The following TNRC6C variants were observed in gnomAD, a reference collection of about 807,000 sequenced individuals.
TNRC6C encodes the protein trinucleotide repeat-containing gene 6C protein.
Under a neutral mutation model 153.7 loss-of-function variants are expected in TNRC6C, and 20 were observed. That is an observed-to-expected ratio of 0.13 (90% CI 0.09 to 0.19). TNRC6C has a LOEUF of 0.19. Among genes scored for constraint, TNRC6C ranks in the 10% least tolerant of loss-of-function variants. The probability of loss-of-function intolerance (pLI) is 1.00; values close to 1 mark genes in which losing one functional copy is unlikely to be tolerated. For missense variants in TNRC6C, 1,987 were observed against 2,172.0 expected (o/e 0.91, Z 1.69); for synonymous variants, 811 against 841.4 (o/e 0.96, Z 0.63).
At chr17:77,991,370 C>T (rs1455787891) in intron 1 of TNRC6C, among the ~76,000 whole-genome samples, 2 of 152,148 alleles carry the variant, frequency 1.3e-5, no homozygotes, top group African/African-American at 2.4e-5. Context: ...CAGAGATGGT[C>T]AACTAACCCC....
chr17:78,107,492 A>G (rs1055942952), exon 20 of TNRC6C: 1 of 152,222 alleles, frequency 6.6e-6, no homozygotes, highest in African/African-American at 2.4e-5. Flanking sequence ...TTCAAAAGAC[A>G]CTATGGATGT....
At chr17:78,091,315 A>G in intron 13 of TNRC6C, 125 bp from the exon 16 acceptor site, 2 of 1,134,364 alleles carry the variant, frequency 1.8e-6, no homozygotes, top group Non-Finnish European at 2.3e-6. Context: ...ATCAAGAGCA[A>G]GACTCCGTCT....
intron 3 of TNRC6C, among the ~76,000 whole-genome samples, chr17:78,053,093 C>T (rs528381000): frequency 1.8e-4 from 27 of 151,588 alleles, no homozygotes; most frequent in Admixed American, 1.8e-3. Flanking sequence ...TGTCACGTTG[C>T]CCCCCGACCC....
chr17:78,078,304 G>A (rs1013849397), intron 9 of TNRC6C, among the ~76,000 whole-genome samples: 29 of 152,264 alleles, frequency 1.9e-4, no homozygotes, highest in African/African-American at 3.4e-4. Context: ...CCTCTCAGGC[G>A]GCTGTTCCCA....
At chr17:78,107,938 C>T (rs1160092067) in exon 20 of TNRC6C, 1 of 152,196 alleles carries the variant, frequency 6.6e-6, no homozygotes, top group Non-Finnish European at 1.5e-5. Flanking sequence ...CTAACTTTCA[C>T]CAAGCACTTT....
chr17:77,980,791 C>G (rs1024714201), intron 1 of TNRC6C, among the ~76,000 whole-genome samples: 1 of 152,104 alleles, frequency 6.6e-6, no homozygotes, highest in Non-Finnish European at 1.5e-5. Flanking sequence ...GAAATAATTA[C>G]GTTTACCAGG....
rs201919223 is a variant in TNRC6C, at chr17:78,049,521, C to T, written c.459C>T (p.Asn153=). 52 of 1,614,032 alleles carry T rather than the reference C, an allele frequency of 3.2e-5. No individual in the cohort carries two copies. The highest frequency in any genetic ancestry group is 4.2e-5 in the Non-Finnish European group (49 of 1,179,886). ...CAGGCACTTTAGGTGCTTGGGGAAA[C>T]TTGCTGCCACAAGAGAGCACAGAAC... is the stretch of plus-strand genomic sequence containing the variant. Residue 153 remains asparagine (N), a synonymous_variant, in exon 3 of 20, where the codon AAC becomes AAT. Coordinates refer to ENST00000301624, the Ensembl canonical transcript of TNRC6C. This position sits in a 1 kb window ranked among gnomAD's most constrained non-coding sequence, Gnocchi z 4.1.
At chr17:78,007,721 CTTAA>C (rs2071547329) in intron 1 of TNRC6C, among the ~76,000 whole-genome samples, 1 of 152,182 alleles carries the variant, frequency 6.6e-6, no homozygotes, top group African/African-American at 2.4e-5. Flanking sequence ...GTTGGATACT[CTTAA>C]GAGAGAAGCT....
intron 17 of TNRC6C, 88 bp downstream of exon 20, chr17:78,098,625 A>C (rs1598793979): frequency 1.6e-5 from 23 of 1,415,008 alleles, no homozygotes; most frequent in Non-Finnish European, 9.4e-7. Flanking sequence ...CTTTGTAAGG[A>C]CCCCTGCCTG....
intron 2 of TNRC6C, among the ~76,000 whole-genome samples, chr17:78,044,483 G>C (rs1567932287): frequency 1.3e-5 from 2 of 152,192 alleles, no homozygotes; most frequent in South Asian, 2.1e-4. Context: ...CCTAGAGGGA[G>C]AACCAGCCAG....
At chr17:78,086,328 T>TAACAA (rs2073283820) in intron 11 of TNRC6C, among the ~76,000 whole-genome samples, 175 bp from the exon 14 acceptor site, 1 of 53,324 alleles carries the variant, frequency 1.9e-5, no homozygotes, top group African/African-American at 5.9e-5. Context: ...AGACTCCATC[T>TAACAA]AAAAAAAAAA....
chr17:78,107,344 G>A (rs2073718782), exon 20 of TNRC6C: 1 of 152,098 alleles, frequency 6.6e-6, no homozygotes, highest in Non-Finnish European at 1.5e-5. Flanking sequence ...CAAGTTCGTG[G>A]CTCTTAATGT....
intron 3 of TNRC6C, among the ~76,000 whole-genome samples, chr17:78,052,914 G>A (rs72894061): frequency 0.086 from 13,099 of 152,160 alleles, 645 homozygotes; most frequent in East Asian, 0.18. Flanking sequence ...TGCCTTTTTG[G>A]CCCACATTTT....
At position 78,006,545 on chromosome 17, in the gene TNRC6C, TCTTCTTCTTCTTCTTC is replaced by T. The variant is rs1403258486; in HGVS notation, c.-546+1474_-546+1489del. ...TTCTTCTTCTTCTTCTTCTTCTTCT[TCTTCTTCTTCTTCTTC>T]CTTCTTCCTTCTTCCTTCTTCTTCC... On this transcript the variant is annotated intron_variant, in intron 1 of 19. Coordinates refer to ENST00000301624, the Ensembl canonical transcript of TNRC6C. Among the ~76,000 whole-genome samples the T allele has an allele frequency of 5.7e-4, 74 of 129,248 alleles. 1 individual carries two copies. Among genetic ancestry groups the T allele is most frequent in the South Asian group, 2.2e-3 (9 of 4,102 alleles). 84.8% of individuals were successfully genotyped at this position (129,248 alleles called of 152,430 possible).
chr17:78,019,262 T>G (rs1162180016), intron 1 of TNRC6C, among the ~76,000 whole-genome samples: 1 of 152,182 alleles, frequency 6.6e-6, no homozygotes, highest in Non-Finnish European at 1.5e-5. Flanking sequence ...CGAGGCTGGG[T>G]CAGCAAGGCA....
chr17:78,070,663 A>T (rs923858977), intron 5 of TNRC6C, among the ~76,000 whole-genome samples: 1 of 152,152 alleles, frequency 6.6e-6, no homozygotes. Context: ...CTCTTTACTC[A>T]TTGGAATAAA....
chr17:78,062,197 T>C (rs1477410301), intron 3 of TNRC6C, among the ~76,000 whole-genome samples: 1 of 152,230 alleles, frequency 6.6e-6, no homozygotes, highest in Admixed American at 6.5e-5. Context: ...ATATTATAGT[T>C]AGCAATTGCT....
chr17:78,018,606 G>A (rs999014466), intron 1 of TNRC6C, among the ~76,000 whole-genome samples: 2 of 152,098 alleles, frequency 1.3e-5, no homozygotes, highest in Non-Finnish European at 2.9e-5. Context: ...CTTATTTACC[G>A]TGCTTTCCTT....
chr17:78,061,668 G>A (rs189417211), intron 3 of TNRC6C, among the ~76,000 whole-genome samples: 89 of 152,226 alleles, frequency 5.8e-4, no homozygotes, highest in African/African-American at 2.1e-3. Flanking sequence ...CCCAGGCAAC[G>A]TAACAAGACC....
Sources: gnomAD v4.1 joint callset for allele counts (sites outside exome capture counted in the v4.1 genomes callset) on GRCh38, gnomAD v4.1.1 for gene constraint, Gnocchi (gnomAD v3.1) non-coding constraint, MANE v1.5 for transcripts, NCBI Gene and HGNC (gene_info 2026-07-23, HGNC 2026-07-21) for gene names.